Variants in MON2 observed in about 807,000 individuals in gnomAD.
The protein encoded by MON2 is protein MON2 homolog.
A neutral mutation model predicts 208.6 loss-of-function variants in MON2; 84 were observed. The observed-to-expected ratio is 0.40, with a 90% CI of 0.34 to 0.48. The LOEUF (loss-of-function observed/expected upper bound fraction) is 0.48. Ranked by LOEUF, MON2 falls within the 20% of genes least tolerant of loss-of-function variation. The probability of loss-of-function intolerance (pLI) is 0.59; values close to 1 mark genes in which losing one functional copy is unlikely to be tolerated. For missense variants in MON2, 1,611 were observed against 2,015.4 expected (o/e 0.80, Z 3.84); for synonymous variants, 660 against 694.0 (o/e 0.95, Z 0.77).
chr12:62,505,055 T>C (rs2136098953), intron 7 of MON2, among the ~76,000 whole-genome samples: 1 of 152,322 alleles, frequency 6.6e-6, no homozygotes, highest in Non-Finnish European at 1.5e-5. Context: ...TCTTCTTTTC[T>C]AGAAAAATAA....
At position 62,546,983 on chromosome 12, in the gene MON2, G is replaced by T; in HGVS notation, c.2664G>T (p.Val888=). Residue 888 remains valine, a synonymous_variant, in exon 22 of 35, where the codon GTG becomes GTT. Transcript: ENST00000393630. Reference sequence around the variant, plus strand: ...TTCGACTCAAGCAGTTAGAATGCGTGTTGCAGATTCTGCAGAGTCAGGGAG... The same window carrying T: ...TTCGACTCAAGCAGTTAGAATGCGTTTTGCAGATTCTGCAGAGTCAGGGAG... ...PDIRLKQLEC[V]LQILQSQGDS... is the part of the protein sequence containing the mutation. 6.2e-7 allele frequency: 1 copy of T among 1,613,260 alleles called. No individual in the cohort carries two copies. Among genetic ancestry groups the T allele is most frequent in the Non-Finnish European group, 8.5e-7 (1 of 1,179,414 alleles).
chr12:62,492,362 CT>C (rs67979134), intron 2 of MON2, among the ~76,000 whole-genome samples: 51 of 110,256 alleles, frequency 4.6e-4, no homozygotes, highest in Middle Eastern at 6.1e-3. Context: ...AGAGTTAGTT[CT>C]TTTTTTTTTT....
chr12:62,574,408 G>A (rs535874374), intron 30 of MON2, among the ~76,000 whole-genome samples: 2 of 151,888 alleles, frequency 1.3e-5, no homozygotes, highest in Non-Finnish European at 2.9e-5. Flanking sequence ...ACAGTGTCTC[G>A]CTCTGTCACC....
intron 25 of MON2, 146 bp downstream of exon 25, chr12:62,556,338 T>A: frequency 1.3e-6 from 1 of 790,068 alleles, no homozygotes; most frequent in Non-Finnish European, 2.0e-6. Context: ...CGTTTGTACC[T>A]ACTGTGGGCT....
intron 8 of MON2, among the ~76,000 whole-genome samples, chr12:62,515,519 TAAA>T (rs953636305): frequency 6.6e-6 from 1 of 152,086 alleles, no homozygotes; most frequent in African/African-American, 2.4e-5. Context: ...TTTTGCAAGA[TAAA>T]AAAGTTCTAG....
chr12:62,552,675 AT>A (rs1247251008), intron 23 of MON2, among the ~76,000 whole-genome samples: 2 of 152,110 alleles, frequency 1.3e-5, no homozygotes, highest in African/African-American at 4.8e-5. Context: ...TTAGCTCAAG[AT>A]TGTTTCCCCA....
intron 32 of MON2, among the ~76,000 whole-genome samples, chr12:62,582,913 AAG>A (rs1488252164): frequency 2.6e-5 from 4 of 152,242 alleles, no homozygotes; most frequent in Non-Finnish European, 4.4e-5. Context: ...AAAACAAATG[AAG>A]AGAGAGTAAA....
At chr12:62,494,064 A>T in intron 3 of MON2, 22 bp downstream of exon 3, 3 of 1,600,254 alleles carry the variant, frequency 1.9e-6, no homozygotes, top group Non-Finnish European at 2.6e-6. Flanking sequence ...ATTTTATCTA[A>T]ACTTCACCTA....
At chr12:62,483,170 A>G (rs1049876981) in intron 1 of MON2, 7 of 152,156 alleles carry the variant, frequency 4.6e-5, no homozygotes, top group Non-Finnish European at 8.8e-5. Context: ...TTTTTTTAAT[A>G]CTAAGTCTTC....
chr12:62,525,919 C>CT (rs879832161), intron 10 of MON2, 30 bp from the exon 11 acceptor site: 1 of 1,601,754 alleles, frequency 6.2e-7, no homozygotes, highest in African/African-American at 1.3e-5. Flanking sequence ...AAATTAGTGT[C>CT]TTTTCTTTTT....
At chr12:62,474,609 A>T (rs1269770751) in intron 1 of MON2, among the ~76,000 whole-genome samples, 1 of 147,698 alleles carries the variant, frequency 6.8e-6, no homozygotes, top group African/African-American at 2.5e-5. Flanking sequence ...TATTTAGTAG[A>T]GACGGGGTTT....
At chr12:62,576,300 A>C (rs534427535) in intron 30 of MON2, among the ~76,000 whole-genome samples, 15 of 152,186 alleles carry the variant, frequency 9.9e-5, no homozygotes, top group African/African-American at 3.4e-4. Flanking sequence ...TATGGTTCCC[A>C]GGAGTTGAGG....
chr12:62,500,852 G>A lies in MON2; in HGVS notation c.635G>A (p.Cys212Tyr). 1 of 1,586,754 alleles carries A rather than the reference G, an allele frequency of 6.3e-7. No homozygotes were observed. Among genetic ancestry groups the A allele is most frequent in the Non-Finnish European group, 8.6e-7 (1 of 1,165,922 alleles). Residue 212 changes from cysteine to tyrosine, a missense_variant, in exon 6 of 35, where the codon TGT (cysteine) becomes TAT (tyrosine). Transcript: ENST00000393630. ...AGATCTGTCAGTACCCTCAAACCTT[G>A]TGCTAAAGATGCATATATGCTTTTC... ...NRRSVSTLKPCAKDAYMLFQD... is the reference protein window; with the variant it reads ...NRRSVSTLKPYAKDAYMLFQD...
chr12:62,502,709 T>A (rs2070906796), intron 7 of MON2, among the ~76,000 whole-genome samples: 1 of 152,184 alleles, frequency 6.6e-6, no homozygotes, highest in Admixed American at 6.5e-5. Flanking sequence ...GGAAAACAAC[T>A]AAAGTCCAAA....
intron 29 of MON2, among the ~76,000 whole-genome samples, chr12:62,571,008 G>A (rs1393203517): frequency 6.6e-6 from 1 of 152,018 alleles, no homozygotes; most frequent in African/African-American, 2.4e-5. Flanking sequence ...GCGATTACAG[G>A]CGTGAGCCAC....
At chr12:62,585,225 T>G in intron 32 of MON2, 69 bp from the exon 33 acceptor site, 1 of 1,241,722 alleles carries the variant, frequency 8.1e-7, no homozygotes, top group Non-Finnish European at 1.2e-6. Context: ...CCTAGTTTGC[T>G]AAGCATTGTT....
intron 26 of MON2, among the ~76,000 whole-genome samples, chr12:62,563,087 C>T (rs961171490): frequency 1.1e-4 from 16 of 152,236 alleles, no homozygotes; most frequent in East Asian, 1.9e-4. Flanking sequence ...CATTAATCAC[C>T]GGGGCTGCCG....
chr12:62,578,115 C>A (rs2074857723), intron 30 of MON2, among the ~76,000 whole-genome samples: 1 of 152,132 alleles, frequency 6.6e-6, no homozygotes, highest in South Asian at 2.1e-4. Context: ...CAGGTAACAC[C>A]ACAATGGTAA....
chr12:62,587,779 T>C (rs151327291), intron 33 of MON2: 2,395 of 227,150 alleles, frequency 0.011, 14 homozygotes, highest in Non-Finnish European at 0.015. Flanking sequence ...TAATTTTAAG[T>C]AGTTATGTGA....
Sources: gnomAD v4.1 joint callset for allele counts (sites outside exome capture counted in the v4.1 genomes callset) on GRCh38, gnomAD v4.1.1 for gene constraint, MANE v1.5 for transcripts, NCBI Gene and HGNC (gene_info 2026-07-23, HGNC 2026-07-21) for gene names.